Variants in NLGN1 observed in about 807,000 individuals in gnomAD.
The protein encoded by NLGN1 is neuroligin-1.
Under a neutral mutation model 65.5 loss-of-function variants are expected in NLGN1, and 12 were observed. The observed-to-expected ratio is 0.18, with a 90% CI of 0.12 to 0.30. The LOEUF is 0.30. Ranked by LOEUF, NLGN1 falls within the 10% of genes least tolerant of loss-of-function variation. The pLI, the probability that NLGN1 is intolerant of heterozygous loss-of-function variation, is 1.00. For missense variants in NLGN1, 750 were observed against 1,007.1 expected, an observed-to-expected ratio of 0.74 and a Z score of 3.46; for synonymous variants, 350 against 359.5, an observed-to-expected ratio of 0.97 and a Z score of 0.30.
intron 3 of NLGN1, among the ~76,000 whole-genome samples, chr3:173,757,084 G>A (rs1404990430): frequency 6.6e-6 from 1 of 151,962 alleles, no homozygotes; most frequent in Non-Finnish European, 1.5e-5. Context: ...CAATATCTTC[G>A]TTGTAAAAGA....
At chr3:173,482,729 A>G (rs1270185523) in intron 2 of NLGN1, among the ~76,000 whole-genome samples, 3 of 151,990 alleles carry the variant, frequency 2.0e-5, no homozygotes, top group Non-Finnish European at 4.4e-5. Context: ...ATTAACAGAC[A>G]TGAAGGAAAA....
Position 174,280,445 on chromosome 3 carries a change from T to A in NLGN1, c.1650-36T>A. 7.2e-7 allele frequency: 1 copy of A among 1,390,610 alleles called. No homozygotes were observed. The allele number at this position is 1,390,610 out of a possible 1,614,324, so 86.1% of individuals were successfully genotyped here. ...GTGTGATTTTAAGTAAAAAATAAAA[T>A]AGCTTTATTCTCATAATTTATCTTT... On this transcript the variant is annotated intron_variant, in intron 6 of 6. Transcript: ENST00000457714. The surrounding 1 kb of genome is among the most constrained non-coding windows in gnomAD (Gnocchi z 4.9).
chr3:174,128,999 G>A (rs551429011), intron 4 of NLGN1, among the ~76,000 whole-genome samples: 1 of 151,890 alleles, frequency 6.6e-6, no homozygotes, highest in African/African-American at 2.4e-5. Flanking sequence ...CATCTGTTTG[G>A]GTCATTACCT....
downstream of NLGN1, among the ~76,000 whole-genome samples, chr3:174,289,465 T>A (rs189505145): frequency 7.3e-5 from 11 of 151,490 alleles, no homozygotes; most frequent in East Asian, 2.1e-3. Context: ...CAGATGTATT[T>A]GCAGGATATA....
At chr3:173,804,854 C>T (rs891260995) in intron 3 of NLGN1, among the ~76,000 whole-genome samples, 1 of 152,064 alleles carries the variant, frequency 6.6e-6, no homozygotes, top group African/African-American at 2.4e-5. Flanking sequence ...TAGTGAAACC[C>T]CATCTCCACT....
chr3:173,871,164 G>A (rs1731091938), intron 4 of NLGN1, among the ~76,000 whole-genome samples: 1 of 152,140 alleles, frequency 6.6e-6, no homozygotes, highest in Non-Finnish European at 1.5e-5. Flanking sequence ...GTGATGCAGG[G>A]AAGATGACGT....
rs1303679768 is a variant in NLGN1, at chr3:174,280,750, G to GA, written c.1925dup (p.Asn642LysfsTer16). The GA allele has an allele frequency of 6.2e-7, 1 of 1,613,146 alleles. No homozygotes were observed. The highest frequency in any genetic ancestry group is 1.3e-5 in the African/African-American group (1 of 74,814). ...ACTGACATCACTTTCAGACCTACGAGAAAAAATTCTGTACCTGTCACGTCA... is the reference window on the plus strand; with the variant it reads ...ACTGACATCACTTTCAGACCTACGAGAAAAAAATTCTGTACCTGTCACGTCA... On this transcript the variant is annotated frameshift_variant, in exon 7 of 7. Transcript: ENST00000457714. LOFTEE classifies it high-confidence loss of function. The surrounding 1 kb of genome is among the most constrained non-coding windows in gnomAD (Gnocchi z 4.9).
intron 3 of NLGN1, among the ~76,000 whole-genome samples, chr3:173,765,076 G>T (rs1226299541): frequency 6.6e-6 from 1 of 150,830 alleles, no homozygotes. Flanking sequence ...GTGTGTGTGT[G>T]TGTGTGTGTG....
chr3:173,579,299 C>A (rs1218738227), intron 2 of NLGN1, among the ~76,000 whole-genome samples: 1 of 152,156 alleles, frequency 6.6e-6, no homozygotes, highest in East Asian at 1.9e-4. Flanking sequence ...CATAGTGAAT[C>A]CTTGTCTCTA....
rs114400182 is a variant in NLGN1, at chr3:174,051,060, G to A, written c.647-224255G>A. 3.6e-3 allele frequency among the ~76,000 whole-genome samples: 551 copies of A among 152,114 alleles called. 4 individuals carry two copies. Among genetic ancestry groups the A allele is most frequent in the African/African-American group, 0.012 (510 of 41,538 alleles). On this transcript the variant is annotated intron_variant, in intron 4 of 6. Coordinates refer to ENST00000457714, the Ensembl canonical transcript of NLGN1. ...AGAGGCCTCCAGCTCCCTAAATTCT[G>A]GTTCTACTGTACCAACTCTGCTTTA...
Position 173,589,725 on chromosome 3 carries a change from A to G in NLGN1, c.-320-14554A>G, listed in dbSNP as rs115070108. Among the ~76,000 whole-genome samples the G allele has an allele frequency of 3.3e-3, 507 of 152,294 alleles. 1 individual carries two copies. The highest frequency in any genetic ancestry group is 0.011 in the African/African-American group (475 of 41,566). ...ACAAATGCCTATTGGGAAACATCCA[A>G]TTGATATACTGTTTTTTATACCAAT... On this transcript the variant is annotated intron_variant, in intron 2 of 6. Transcript: ENST00000457714.
At chr3:173,614,865 G>T (rs942421769) in intron 3 of NLGN1, among the ~76,000 whole-genome samples, 3 of 151,952 alleles carry the variant, frequency 2.0e-5, no homozygotes, top group African/African-American at 7.2e-5. Flanking sequence ...GGGAGCTTCT[G>T]TTGCCTTATT....
At chr3:173,604,745 T>C (rs754469627) in exon 3 of NLGN1, 2 of 1,613,718 alleles carry the variant, frequency 1.2e-6, no homozygotes, top group Admixed American at 1.7e-5. Flanking sequence ...AAAAATTGGA[T>C]GATGTGGACC....
intron 4 of NLGN1, among the ~76,000 whole-genome samples, chr3:174,253,328 G>A (rs1745106176): frequency 1.3e-5 from 2 of 152,136 alleles, no homozygotes; most frequent in Admixed American, 6.6e-5. Flanking sequence ...CACAGCATCT[G>A]TCTCTTGCAC....
chr3:173,527,651 C>T (rs1735882519), intron 2 of NLGN1, among the ~76,000 whole-genome samples: 1 of 152,216 alleles, frequency 6.6e-6, no homozygotes, highest in Admixed American at 6.5e-5. Context: ...CCCGCCTCGG[C>T]CTCCCAAAGT....
chr3:173,985,967 A>T (rs543146564), intron 4 of NLGN1, among the ~76,000 whole-genome samples: 11 of 152,004 alleles, frequency 7.2e-5, no homozygotes, highest in Admixed American at 2.0e-4. Flanking sequence ...AAAACAATTT[A>T]AAAAAAAGAA....
intron 2 of NLGN1, among the ~76,000 whole-genome samples, chr3:173,494,026 A>G (rs1047272685): frequency 2.0e-5 from 3 of 151,416 alleles, no homozygotes; most frequent in African/African-American, 7.3e-5. Context: ...TATAATCCAG[A>G]CTTCTCTGGT....
chr3:173,890,509 C>T (rs1185727531), intron 4 of NLGN1, among the ~76,000 whole-genome samples: 1 of 152,144 alleles, frequency 6.6e-6, no homozygotes, highest in Non-Finnish European at 1.5e-5. Context: ...ACCCTTTTCC[C>T]TGACCTCAAA....
At position 173,399,143 on chromosome 3, in the gene NLGN1, T is replaced by G. The variant is rs1031795907; in HGVS notation, c.-390+656T>G. On this transcript the variant is annotated intron_variant, in intron 1 of 6. Transcript: ENST00000457714. Reference sequence around the variant, plus strand: ...GGCAGAGAATGAATCTAAGTCTACTTGCACTGCAGAGTGATTGAGTGATTC... The same window carrying G: ...GGCAGAGAATGAATCTAAGTCTACTGGCACTGCAGAGTGATTGAGTGATTC... 2.6e-4 allele frequency among the ~76,000 whole-genome samples: 40 copies of G among 152,240 alleles called. 1 individual carries two copies. Among genetic ancestry groups the G allele is most frequent in the Non-Finnish European group, 1.0e-4 (7 of 68,034 alleles).
Sources: allele counts gnomAD v4.1 joint callset (sites outside exome capture counted in the v4.1 genomes callset), GRCh38; gene constraint gnomAD v4.1.1; non-coding constraint Gnocchi (gnomAD v3.1); transcripts MANE v1.5; gene names NCBI Gene and HGNC (gene_info 2026-07-23, HGNC 2026-07-21).